The following ARHGEF17 variants were observed in gnomAD, a reference collection of about 807,000 sequenced individuals.
ARHGEF17 encodes the protein 164 kDa Rho-specific guanine-nucleotide exchange factor.
In ARHGEF17, 80 loss-of-function variants were observed where a neutral mutation model predicts 174.0. That is an observed-to-expected ratio of 0.46 (90% CI 0.38 to 0.55). The LOEUF is 0.55. Among genes scored for constraint, ARHGEF17 ranks in the 20% least tolerant of loss-of-function variants. The pLI, the probability that ARHGEF17 is intolerant of heterozygous loss-of-function variation, is 0.00. For missense variants in ARHGEF17, 2,886 were observed against 2,839.7 expected (o/e 1.02, Z -0.37); for synonymous variants, 1,311 against 1,189.1 (o/e 1.10, Z -2.11).
intron 1 of ARHGEF17, among the ~76,000 whole-genome samples, chr11:73,312,590 A>G (rs1864857154): frequency 6.6e-6 from 1 of 152,070 alleles, no homozygotes; most frequent in Admixed American, 6.5e-5. Context: ...GCCTCCTCAG[A>G]TGAAAAAAGC....
chr11:73,361,010 A>C (rs1027659624), intron 11 of ARHGEF17, 78 bp from the exon 12 acceptor site: 3 of 1,226,034 alleles, frequency 2.4e-6, no homozygotes, highest in Non-Finnish European at 3.5e-6. Context: ...GAGGAAGGGG[A>C]ATGGGGCAGG....
At chr11:73,359,071 C>T (rs565384266) in intron 9 of ARHGEF17, among the ~76,000 whole-genome samples, 39 of 152,334 alleles carry the variant, frequency 2.6e-4, no homozygotes, top group Admixed American at 1.2e-3. Flanking sequence ...TTCCATGTCT[C>T]TAGTGCTGTC....
rs150609147 is a variant in ARHGEF17 at position 73,310,754 on chromosome 11, C to T, written c.2116C>T (p.Leu706Phe). 8 of 1,611,408 alleles carry T rather than the reference C, an allele frequency of 5.0e-6. No individual in the cohort carries two copies. The highest frequency in any genetic ancestry group is 5.9e-6 in the Non-Finnish European group (7 of 1,178,616). Residue 706 changes from leucine to phenylalanine, a missense_variant, in exon 1 of 21, where the codon CTC becomes TTC. Physicochemically the swap from Leu to Phe is conservative, Grantham distance 22. Coordinates refer to ENST00000263674, the MANE Select transcript of ARHGEF17 (RefSeq NM_014786.4). ...SPETPPTPGALRRRRKVPPSG... is the reference protein window; with the variant it reads ...SPETPPTPGAFRRRRKVPPSG... ...TGAGACCCCTCCCACACCAGGTGCC[C>T]TCCGCCGACGACGCAAAGTCCCACC...
chr11:73,367,722 G>C lies in ARHGEF17; in HGVS notation c.6134G>C (p.Ser2045Thr), dbSNP rs554176681. Residue 2045 changes from serine to threonine, a missense_variant, in exon 21 of 21, where the codon AGC becomes ACC. By Grantham distance (58) the Ser-to-Thr change is moderately conservative. Coordinates refer to ENST00000263674, the MANE Select transcript of ARHGEF17 (RefSeq NM_014786.4). ...CGACTCAGCAGTGGGGGCGGCAGCAGCAGTGAGACTGTGGGTCGAGACGAC... is the reference window on the plus strand; with the variant it reads ...CGACTCAGCAGTGGGGGCGGCAGCACCAGTGAGACTGTGGGTCGAGACGAC... ...DFRLSSGGGS[S>T]SETVGRDDST... 1 of 1,614,092 alleles carries C rather than the reference G, an allele frequency of 6.2e-7. No individual in the cohort carries two copies.
rs1360421185 is a variant in ARHGEF17 at position 73,363,221 on chromosome 11, G to A, written c.5012G>A (p.Ser1671Asn). 3 of 1,575,670 alleles carry A rather than the reference G, an allele frequency of 1.9e-6. No homozygotes were observed. The highest frequency in any genetic ancestry group is 2.6e-6 in the Non-Finnish European group (3 of 1,158,034). Residue 1671 changes from serine (S) to asparagine (N), a missense_variant, in exon 15 of 21, where the codon AGT (serine) becomes AAT (asparagine). Around this residue, in one of 4 missense-constraint regions of ARHGEF17, gnomAD observed 476 missense variants for 473.1 expected, o/e 1.01. Coordinates refer to ENST00000263674, the MANE Select transcript of ARHGEF17 (RefSeq NM_014786.4). ...TCTCCCTCAGATGAGGAGACCCCGA[G>A]TTCCAAGGAGGCCACGGCAGAGACC... ...SSSFGNEETP[S>N]SKEATAETTS...
intron 13 of ARHGEF17, 22 bp downstream of exon 13, chr11:73,362,261 G>A (rs1157574186): frequency 1.3e-6 from 2 of 1,491,812 alleles, no homozygotes; most frequent in East Asian, 2.5e-5. Context: ...GCGGCGGGGT[G>A]GGCGGCACCG....
rs1303032559 is a variant in ARHGEF17 at position 73,359,825 on chromosome 11, T to C, written c.4088-9T>C. On this transcript the variant is annotated splice_polypyrimidine_tract_variant and intron_variant, in intron 9 of 20. Coordinates refer to ENST00000263674, the MANE Select transcript of ARHGEF17 (RefSeq NM_014786.4). ...TGTATCAGTCCACGGCCTTCCTCTCTCCCTCTAGGGGCATCCCAAGCCACC... is the reference window on the plus strand; with the variant it reads ...TGTATCAGTCCACGGCCTTCCTCTCCCCCTCTAGGGGCATCCCAAGCCACC... 1 of 1,582,682 alleles carries C rather than the reference T, an allele frequency of 6.3e-7. No homozygotes were observed. The highest frequency in any genetic ancestry group is 1.4e-5 in the African/African-American group (1 of 73,892).
rs1865249280 is a variant in ARHGEF17, at chr11:73,333,971, A to G, written c.3193-12912A>G. The stretch of plus-strand genomic sequence containing the variant: ...TAATCAGTGCACATTAATTACACTG[A>G]TACTTGCTTTCATTCATCCTCAAAT... On this transcript the variant is annotated intron_variant, in intron 1 of 20. Coordinates refer to ENST00000263674, the MANE Select transcript of ARHGEF17 (RefSeq NM_014786.4). 3.9e-5 allele frequency among the ~76,000 whole-genome samples: 6 copies of G among 152,354 alleles called. No homozygotes were observed. The South Asian group carries it at 1.2e-3, about 32-fold the overall frequency.
At chr11:73,329,359 A>ATTT (rs1865161040) in intron 1 of ARHGEF17, among the ~76,000 whole-genome samples, 1 of 2,696 alleles carries the variant, frequency 3.7e-4, no homozygotes, top group Non-Finnish European at 9.1e-4. Flanking sequence ...ATATATATAT[A>ATTT]TATATATATA....
intron 3 of ARHGEF17, among the ~76,000 whole-genome samples, chr11:73,353,561 C>G (rs187620539): frequency 6.6e-6 from 1 of 152,202 alleles, no homozygotes; most frequent in East Asian, 1.9e-4. Context: ...GCGTTGGTTA[C>G]CCTGATTCTA....
chr11:73,365,739 G>A lies in ARHGEF17; in HGVS notation c.5787G>A (p.Val1929=). The A allele has an allele frequency of 6.2e-7, 1 of 1,613,754 alleles. No individual in the cohort carries two copies. Among genetic ancestry groups the A allele is most frequent in the Non-Finnish European group, 8.5e-7 (1 of 1,180,046 alleles). Residue 1929 remains valine, a synonymous_variant, in exon 20 of 21, where the codon GTG becomes GTA. Transcript: ENST00000263674. This position sits in a 1 kb window ranked among gnomAD's most constrained non-coding sequence, Gnocchi z 4.9. ...GTCTGCGAATCACAGCGCTGCTGGT[G>A]TGTGAGGAGCTGCTGTGGGTGGGCA... ...AACLRITALL[V]CEELLWVGTS...
At position 73,311,629 on chromosome 11, in the gene ARHGEF17, G is replaced by T. The variant is rs377593513; in HGVS notation, c.2991G>T (p.Thr997=). ...PIGFPTRAHP[T]LQAPSLEDVT... is the part of the protein sequence containing the mutation. ...GCTTCCCTACCCGAGCCCATCCCAC[G>T]TTGCAGGCACCATCGCTCGAGGACG... Residue 997 remains threonine (T), a synonymous_variant, in exon 1 of 21, where the codon ACG becomes ACT. Transcript: ENST00000263674. The T allele has an allele frequency of 1.9e-6, 3 of 1,613,100 alleles. No individual in the cohort carries two copies. The highest frequency in any genetic ancestry group is 1.1e-5 in the South Asian group (1 of 91,086).
intron 1 of ARHGEF17, among the ~76,000 whole-genome samples, chr11:73,313,667 G>C (rs563492539): frequency 1.2e-4 from 19 of 152,234 alleles, no homozygotes; most frequent in Non-Finnish European, 2.5e-4. Flanking sequence ...CCCACTCCAG[G>C]CCTCTCACTT....
chr11:73,356,593 C>T lies in ARHGEF17; in HGVS notation c.3841-116C>T, dbSNP rs2134417950. The T allele has an allele frequency of 7.2e-6, 10 of 1,384,110 alleles. No individual in the cohort carries two copies. In the East Asian group the frequency reaches 1.8e-4, roughly 26 times the overall value. The allele number at this position is 1,384,110 out of a possible 1,614,324, so 85.7% of individuals were successfully genotyped here. Reference sequence around the variant, plus strand: ...GCACAAGGGCATTGAGGGTGGGAAGCATGCTGCTTCCATTGGCCTAGCCCA... The same window carrying T: ...GCACAAGGGCATTGAGGGTGGGAAGTATGCTGCTTCCATTGGCCTAGCCCA... On this transcript the variant is annotated intron_variant, in intron 6 of 20. Transcript: ENST00000263674.
Position 73,352,914 on chromosome 11 carries a change from G to C in ARHGEF17, c.3355G>C (p.Glu1119Gln). Residue 1119 changes from glutamate (E) to glutamine (Q), a missense_variant, in exon 3 of 21, where the codon GAG becomes CAG. Glu to Gln is a conservative substitution (Grantham distance 29, BLOSUM62 2). Coordinates refer to ENST00000263674, the MANE Select transcript of ARHGEF17 (RefSeq NM_014786.4). ...GGACGAGATCTTCGACCAGATCCCC[G>C]AGCTCCTGGAGCACCACGAGCAATT... ...LVDEIFDQIP[E>Q]LLEHHEQFLE... 1 of 1,614,098 alleles carries C rather than the reference G, an allele frequency of 6.2e-7. No homozygotes were observed. The highest frequency in any genetic ancestry group is 1.1e-5 in the South Asian group (1 of 91,076).
At chr11:73,322,974 G>A (rs910303655) in intron 1 of ARHGEF17, among the ~76,000 whole-genome samples, 1 of 152,120 alleles carries the variant, frequency 6.6e-6, no homozygotes, top group Non-Finnish European at 1.5e-5. Flanking sequence ...TAGGTTCAGG[G>A]GTTATATCAG....
Position 73,362,143 on chromosome 11 carries a change from T to C in ARHGEF17, c.4598T>C (p.Leu1533Pro). Reference protein sequence around the residue: ...GYVGQVCLLSLRAEPDVEACI... With the variant: ...GYVGQVCLLSPRAEPDVEACI... The stretch of plus-strand genomic sequence containing the variant: ...GTGGGCCAGGTGTGCCTGCTGAGCC[T>C]GCGCGCCGAGCCGGACGTGGAGGCC... Residue 1533 changes from leucine to proline, a missense_variant, in exon 13 of 21, where the codon CTG becomes CCG. Leu to Pro is a moderately conservative substitution (Grantham distance 98). Coordinates refer to ENST00000263674, the MANE Select transcript of ARHGEF17 (RefSeq NM_014786.4). 6.2e-7 allele frequency: 1 copy of C among 1,609,616 alleles called. No individual in the cohort carries two copies. Among genetic ancestry groups the C allele is most frequent in the Non-Finnish European group, 8.5e-7 (1 of 1,179,100 alleles).
At chr11:73,339,361 G>A (rs1865333959) in intron 1 of ARHGEF17, among the ~76,000 whole-genome samples, 1 of 152,202 alleles carries the variant, frequency 6.6e-6, no homozygotes, top group South Asian at 2.1e-4. Context: ...ATTCATTCAT[G>A]TATTCATGAC....
intron 3 of ARHGEF17, 123 bp from the exon 4 acceptor site, chr11:73,355,410 A>C: frequency 1.3e-5 from 9 of 688,500 alleles, no homozygotes; most frequent in Non-Finnish European, 1.6e-5. Context: ...CTGATCCCTT[A>C]GAGATTGTAT....
Sources: allele counts gnomAD v4.1 joint callset (sites outside exome capture counted in the v4.1 genomes callset), GRCh38; gene constraint gnomAD v4.1.1; regional missense constraint gnomAD v4.1.1; non-coding constraint Gnocchi (gnomAD v3.1); transcripts MANE v1.5; gene names NCBI Gene and HGNC (gene_info 2026-07-23, HGNC 2026-07-21).